STRBP: variants seen among roughly 807,000 people sequenced by gnomAD.
STRBP encodes the protein spermatid perinuclear RNA binding protein.
Under a neutral mutation model 80.1 loss-of-function variants are expected in STRBP, and 13 were observed. That is an observed-to-expected ratio of 0.16 (90% CI 0.11 to 0.26). The LOEUF (loss-of-function observed/expected upper bound fraction) is 0.26. STRBP is among the 10% of genes least tolerant of loss of function. The pLI is 1.00. For synonymous variants in STRBP, 284 were observed against 291.2 expected (o/e 0.98, Z 0.25); for missense variants, 485 against 815.2 (o/e 0.59, Z 4.93).
rs200928449 is a variant in STRBP, at chr9:123,178,981, C to T, written c.224+26G>A. 4.1e-5 allele frequency: 66 copies of T among 1,601,872 alleles called. No homozygotes were observed. The East Asian group carries it at 9.2e-4, about 22-fold the overall frequency. On this transcript the variant is annotated intron_variant, in intron 4 of 18. Coordinates refer to ENST00000348403, the MANE Select transcript of STRBP (RefSeq NM_018387.5). ...AGCTTTGCTGTGCACTCTAGCACAGCGTCCCAGAGGTCAGTCCACACTCAC... is the reference window on the plus strand; with the variant it reads ...AGCTTTGCTGTGCACTCTAGCACAGTGTCCCAGAGGTCAGTCCACACTCAC...
At chr9:123,222,884 G>A (rs1425806299) in intron 2 of STRBP, among the ~76,000 whole-genome samples, 1 of 151,888 alleles carries the variant, frequency 6.6e-6, no homozygotes, top group Non-Finnish European at 1.5e-5. Context: ...GCACAGGAAC[G>A]TTTATGACAG....
chr9:123,169,861 A>G, intron 6 of STRBP, 41 bp downstream of exon 6: 1 of 1,136,858 alleles, frequency 8.8e-7, no homozygotes, highest in East Asian at 3.4e-5. Flanking sequence ...AAACAACAAC[A>G]ACAAATATAT....
At chr9:123,172,522 AC>A (rs2038053150) in intron 5 of STRBP, among the ~76,000 whole-genome samples, 1 of 152,204 alleles carries the variant, frequency 6.6e-6, no homozygotes, top group Non-Finnish European at 1.5e-5. Flanking sequence ...AATAGATTCA[AC>A]CCTATAAAAG....
chr9:123,247,140 G>A (rs2040815978), intron 1 of STRBP, among the ~76,000 whole-genome samples: 1 of 151,998 alleles, frequency 6.6e-6, no homozygotes, highest in African/African-American at 2.4e-5. Flanking sequence ...ACTACCCAAT[G>A]CCCCCCTCAA....
At chr9:123,240,951 G>T (rs955508690) in intron 1 of STRBP, among the ~76,000 whole-genome samples, 12 of 151,832 alleles carry the variant, frequency 7.9e-5, no homozygotes, top group Non-Finnish European at 1.2e-4. Context: ...AGGCTGAGGC[G>T]AGTGGATCAT....
chr9:123,234,638 A>G (rs1454131585), intron 2 of STRBP, among the ~76,000 whole-genome samples: 2 of 152,112 alleles, frequency 1.3e-5, no homozygotes, highest in Non-Finnish European at 2.9e-5. Flanking sequence ...AATAGTATAT[A>G]AAGTGCCTAG....
chr9:123,160,228 T>C (rs2037466055), intron 8 of STRBP, 139 bp downstream of exon 8: 1 of 454,312 alleles, frequency 2.2e-6, no homozygotes. Flanking sequence ...AGATGCTTTA[T>C]TTTTTTTTCA....
At chr9:123,140,513 G>C (rs1588469771) in intron 13 of STRBP, among the ~76,000 whole-genome samples, 1 of 152,132 alleles carries the variant, frequency 6.6e-6, no homozygotes, top group South Asian at 2.1e-4. Context: ...AGAATTGCTT[G>C]AACCTGGGAG....
At chr9:123,143,922 G>C (rs891533374) in intron 13 of STRBP, among the ~76,000 whole-genome samples, 2 of 152,148 alleles carry the variant, frequency 1.3e-5, no homozygotes, top group Non-Finnish European at 2.9e-5. Context: ...TATCGGCTGG[G>C]CACAGTGGCT....
At chr9:123,147,918 C>CT in intron 11 of STRBP, 48 bp from the exon 12 acceptor site, 2 of 1,477,964 alleles carry the variant, frequency 1.4e-6, no homozygotes, top group South Asian at 2.4e-5. Flanking sequence ...CAACAATCCC[C>CT]TTACCGTACC....
intron 1 of STRBP, among the ~76,000 whole-genome samples, chr9:123,254,857 T>C (rs1012037718): frequency 3.9e-5 from 6 of 152,206 alleles, no homozygotes; most frequent in African/African-American, 9.6e-5. Flanking sequence ...GACAATATTA[T>C]CTAAGGGCAA....
chr9:123,192,994 C>A (rs776307776), intron 2 of STRBP, among the ~76,000 whole-genome samples: 1 of 152,166 alleles, frequency 6.6e-6, no homozygotes, highest in Admixed American at 6.5e-5. Flanking sequence ...CAATGTGCTA[C>A]CGCTAAGCTT....
At chr9:123,264,561 A>T (rs1192324434) in intron 1 of STRBP, among the ~76,000 whole-genome samples, 1 of 152,246 alleles carries the variant, frequency 6.6e-6, no homozygotes, top group African/African-American at 2.4e-5. Flanking sequence ...TTCCCGAAAG[A>T]CTTAAACTTG....
chr9:123,136,398 T>C lies in STRBP; in HGVS notation c.1615A>G (p.Lys539Glu). The change falls in exon 15 of 19, where the codon AAG becomes GAG. Residue 539 changes from lysine (K) to glutamate (E), a missense_variant. Lys to Glu is a moderately conservative substitution (Grantham distance 56). Coordinates refer to ENST00000348403, the MANE Select transcript of STRBP (RefSeq NM_018387.5). The surrounding 1 kb of genome is among the most constrained non-coding windows in gnomAD (Gnocchi z 4.2). The stretch of plus-strand genomic sequence containing the variant: ...GTACACACCTCCATTACAAAGCGCT[T>C]GTCATGGCTTCCACCAGTCTCTGAG... ...LISETGGSHD[K>E]RFVMEVEVDG... The C allele has an allele frequency of 6.2e-7, 1 of 1,613,994 alleles. No homozygotes were observed. The highest frequency in any genetic ancestry group is 8.5e-7 in the Non-Finnish European group (1 of 1,179,948).
At chr9:123,206,007 T>G (rs954068553) in intron 2 of STRBP, among the ~76,000 whole-genome samples, 1 of 152,190 alleles carries the variant, frequency 6.6e-6, no homozygotes, top group Non-Finnish European at 1.5e-5. Context: ...TCCAATGTAA[T>G]TGGTATAAAA....
At chr9:123,253,118 A>G (rs2040950572) in intron 1 of STRBP, among the ~76,000 whole-genome samples, 1 of 152,238 alleles carries the variant, frequency 6.6e-6, no homozygotes, top group African/African-American at 2.4e-5. Context: ...TCAAGTTCCA[A>G]TACTGCTCAG....
chr9:123,148,242 C>T (rs1425368066), intron 11 of STRBP, among the ~76,000 whole-genome samples: 2 of 152,044 alleles, frequency 1.3e-5, no homozygotes, highest in Non-Finnish European at 2.9e-5. Flanking sequence ...AGGGTGGAGC[C>T]CTTATCAATT....
intron 2 of STRBP, among the ~76,000 whole-genome samples, chr9:123,204,099 A>G (rs1160484092): frequency 6.6e-6 from 1 of 152,218 alleles, no homozygotes; most frequent in Non-Finnish European, 1.5e-5. Flanking sequence ...GTCTTTGTTT[A>G]CTCTGCATTG....
chr9:123,216,248 C>G (rs1226295110), intron 2 of STRBP, among the ~76,000 whole-genome samples: 1 of 152,176 alleles, frequency 6.6e-6, no homozygotes, highest in Non-Finnish European at 1.5e-5. Context: ...CTATGTTTTA[C>G]CACTTACCAG....
Sources: gnomAD v4.1 joint callset for allele counts (sites outside exome capture counted in the v4.1 genomes callset) on GRCh38, gnomAD v4.1.1 for gene constraint, Gnocchi (gnomAD v3.1) non-coding constraint, MANE v1.5 for transcripts, NCBI Gene and HGNC (gene_info 2026-07-23, HGNC 2026-07-21) for gene names.